PRDM11: variants seen among roughly 807,000 people sequenced by gnomAD.
The protein encoded by PRDM11 is PR/SET domain 11.
PRDM11 carries 20 observed loss-of-function variants against 97.8 expected under a neutral mutation model. The observed-to-expected ratio is 0.20, with a 90% confidence interval of 0.14 to 0.30. The LOEUF is 0.30. Among genes scored for constraint, PRDM11 ranks in the 10% least tolerant of loss-of-function variants. The probability of loss-of-function intolerance (pLI) is 1.00; values close to 1 mark genes in which losing one functional copy is unlikely to be tolerated. For missense variants in PRDM11, 1,139 were observed against 1,555.2 expected (o/e 0.73, Z 4.50); for synonymous variants, 599 against 637.7 (o/e 0.94, Z 0.91).
chr11:45,115,756 C>A (rs1259685259), intron 1 of PRDM11, among the ~76,000 whole-genome samples: 1 of 151,542 alleles, frequency 6.6e-6, no homozygotes, highest in African/African-American at 2.4e-5. Flanking sequence ...ATGGTGAAAC[C>A]CTGTCTCTAC....
At chr11:45,113,829 G>GT (rs112384308) in intron 1 of PRDM11, among the ~76,000 whole-genome samples, 62,351 of 124,038 alleles carry the variant, frequency 0.5, 16,022 homozygotes, top group Non-Finnish European at 0.6. Context: ...TGTGTGTTTT[G>GT]TTTTTTTTTT....
intron 1 of PRDM11, among the ~76,000 whole-genome samples, chr11:45,158,372 C>A (rs1022251214): frequency 1.2e-4 from 19 of 152,230 alleles, no homozygotes; most frequent in Non-Finnish European, 7.4e-5. Context: ...GCCCCTGCCT[C>A]CCTCCCTGCA....
intron 1 of PRDM11, among the ~76,000 whole-genome samples, chr11:45,118,991 G>C (rs1301213738): frequency 6.6e-6 from 1 of 152,216 alleles, no homozygotes; most frequent in Admixed American, 6.5e-5. Context: ...ACTCCACTGA[G>C]GGAGAGAAAA....
intron 1 of PRDM11, among the ~76,000 whole-genome samples, chr11:45,167,257 G>T (rs904116375): frequency 2.6e-5 from 4 of 152,182 alleles, no homozygotes; most frequent in Admixed American, 1.3e-4. Flanking sequence ...TACATGAGAA[G>T]GTTCTTAATT....
chr11:45,167,496 G>T (rs1188250334), intron 1 of PRDM11, among the ~76,000 whole-genome samples: 1 of 152,148 alleles, frequency 6.6e-6, no homozygotes, highest in Non-Finnish European at 1.5e-5. Context: ...TTCACAGTGG[G>T]CTGTGTTGCA....
chr11:45,150,197 C>G (rs544884426), intron 1 of PRDM11, among the ~76,000 whole-genome samples: 11 of 152,258 alleles, frequency 7.2e-5, no homozygotes, highest in Admixed American at 6.5e-4. Context: ...CCTGATGAGG[C>G]CTCCTCATCC....
chr11:45,204,806 G>T, intron 5 of PRDM11, 28 bp downstream of exon 5: 2 of 1,588,658 alleles, frequency 1.3e-6, no homozygotes, highest in Non-Finnish European at 1.7e-6. Flanking sequence ...GATGTCCCGG[G>T]GGTCTTGCCT....
chr11:45,122,446 C>T (rs557210093), intron 1 of PRDM11, among the ~76,000 whole-genome samples: 4 of 150,946 alleles, frequency 2.6e-5, no homozygotes, highest in South Asian at 4.2e-4. Flanking sequence ...CCCATTAACT[C>T]GTCATTTAGC....
At position 45,134,392 on chromosome 11, in the gene PRDM11, C is replaced by A. The variant is rs7104189; in HGVS notation, c.96+38491C>A. Among the ~76,000 whole-genome samples the A allele has an allele frequency of 3.1e-3, 478 of 152,094 alleles. 1 individual carries two copies. Among genetic ancestry groups the A allele is most frequent in the African/African-American group, 0.011 (449 of 41,492 alleles). ...AACTTGAGTTCAAAACTAACAAAGCCCACTCACACAAAAACTTAGAATAGC... is the reference window on the plus strand; with the variant it reads ...AACTTGAGTTCAAAACTAACAAAGCACACTCACACAAAAACTTAGAATAGC... On this transcript the variant is annotated intron_variant, in intron 1 of 6. Transcript: ENST00000530656.
At chr11:45,206,560 C>T (rs1005061988) in intron 5 of PRDM11, among the ~76,000 whole-genome samples, 2 of 152,180 alleles carry the variant, frequency 1.3e-5, no homozygotes, top group Non-Finnish European at 2.9e-5. Flanking sequence ...CCCATAGAAC[C>T]GAATCTGTTC....
At chr11:45,125,502 C>T (rs1392722263) in intron 1 of PRDM11, among the ~76,000 whole-genome samples, 1 of 152,204 alleles carries the variant, frequency 6.6e-6, no homozygotes, top group Non-Finnish European at 1.5e-5. Context: ...CCTCTACACA[C>T]TGCTTTGAAT....
intron 4 of PRDM11, among the ~76,000 whole-genome samples, chr11:45,192,578 C>G (rs1852953726): frequency 6.6e-6 from 1 of 152,152 alleles, no homozygotes; most frequent in Non-Finnish European, 1.5e-5. Context: ...TATTCTGAAC[C>G]TGTATAATAT....
chr11:45,137,673 A>C (rs1852900755), intron 1 of PRDM11, among the ~76,000 whole-genome samples: 1 of 152,190 alleles, frequency 6.6e-6, no homozygotes, highest in African/African-American at 2.4e-5. Context: ...GCTTGAACCC[A>C]GCAAGGTTAC....
At chr11:45,170,289 G>A (rs1393293690) in intron 1 of PRDM11, among the ~76,000 whole-genome samples, 1 of 152,088 alleles carries the variant, frequency 6.6e-6, no homozygotes, top group Non-Finnish European at 1.5e-5. Flanking sequence ...GTTGCAGTGA[G>A]GTGAGATCAC....
At chr11:45,100,051 T>C (rs2135594033) in intron 1 of PRDM11, among the ~76,000 whole-genome samples, 1 of 152,322 alleles carries the variant, frequency 6.6e-6, no homozygotes, top group South Asian at 2.1e-4. Context: ...CAAAGATTTT[T>C]TATTTTTTTT....
intron 5 of PRDM11, among the ~76,000 whole-genome samples, chr11:45,212,102 G>A (rs1320298445): frequency 1.3e-5 from 2 of 152,238 alleles, no homozygotes; most frequent in Non-Finnish European, 2.9e-5. Flanking sequence ...TCGATGTGTA[G>A]ACAGGGCAGT....
intron 1 of PRDM11, among the ~76,000 whole-genome samples, chr11:45,100,693 G>A (rs954136965): frequency 2.0e-5 from 3 of 152,232 alleles, no homozygotes; most frequent in African/African-American, 7.2e-5. Flanking sequence ...CCTCAACCGG[G>A]CAGTTCCTTT....
Position 45,227,097 on chromosome 11 carries a change from A to C in PRDM11, c.2472A>C (p.Ala824=). The C allele has an allele frequency of 6.5e-7, 1 of 1,533,962 alleles. No homozygotes were observed. The highest frequency in any genetic ancestry group is 1.4e-5 in the African/African-American group (1 of 73,098). The change falls in exon 8 of 8, where the codon GCA becomes GCC. Residue 824 remains alanine, a synonymous_variant. Transcript: ENST00000683152. This position sits in a 1 kb window ranked among gnomAD's most constrained non-coding sequence, Gnocchi z 8.0. ...CAGAGTTCCTGGGCGATATCCGGGCAGTGCGGTGGATCATCGGCGAGCAGA... is the reference window on the plus strand; with the variant it reads ...CAGAGTTCCTGGGCGATATCCGGGCCGTGCGGTGGATCATCGGCGAGCAGA... ...EETEFLGDIR[A]VRWIIGEQNV...
At chr11:45,200,985 A>G (rs569088211) in intron 4 of PRDM11, among the ~76,000 whole-genome samples, 8 of 152,282 alleles carry the variant, frequency 5.3e-5, no homozygotes, top group South Asian at 2.1e-4. Flanking sequence ...GATGTTTACA[A>G]CTGATGGTGA....
Sources: allele counts gnomAD v4.1 joint callset (sites outside exome capture counted in the v4.1 genomes callset), GRCh38; gene constraint gnomAD v4.1.1; non-coding constraint Gnocchi (gnomAD v3.1); transcripts MANE v1.5; gene names NCBI Gene and HGNC (gene_info 2026-07-23, HGNC 2026-07-21).